The following ATF1 variants were observed in gnomAD, a reference collection of about 807,000 sequenced individuals.
ATF1 encodes the protein activating transcription factor 1.
In ATF1, 16 loss-of-function variants were observed where a neutral mutation model predicts 34.7. That is an observed-to-expected ratio of 0.46 (90% CI 0.31 to 0.70). The LOEUF is 0.70. Among genes scored for constraint, ATF1 ranks in the 30% least tolerant of loss-of-function variants. The pLI, the probability that ATF1 is intolerant of heterozygous loss-of-function variation, is 0.05. For missense variants in ATF1, 255 were observed against 321.6 expected, an observed-to-expected ratio of 0.79 and a Z score of 1.58; for synonymous variants, 105 against 113.1, an observed-to-expected ratio of 0.93 and a Z score of 0.46.
At chr12:50,768,057 G>A (rs1940682430) in intron 1 of ATF1, among the ~76,000 whole-genome samples, 1 of 152,078 alleles carries the variant, frequency 6.6e-6, no homozygotes, top group Non-Finnish European at 1.5e-5. Flanking sequence ...ATTTTTAGTA[G>A]AGATGGGGTT....
rs1312504255 is a variant in ATF1, at chr12:50,795,925, A to G, written c.110A>G (p.Glu37Gly). 6.2e-7 allele frequency: 1 copy of G among 1,612,746 alleles called. No individual in the cohort carries two copies. The highest frequency in any genetic ancestry group is 8.5e-7 in the Non-Finnish European group (1 of 1,179,516). ...CTTTTTTAGGTATCATCTTTATCAGAAAGTGAGGAGTCCCAGGACTCATCC... is the reference window on the plus strand; with the variant it reads ...CTTTTTTAGGTATCATCTTTATCAGGAAGTGAGGAGTCCCAGGACTCATCC... Reference protein sequence around the residue: ...HIAQQVSSLSESEESQDSSDS... With the variant: ...HIAQQVSSLSGSEESQDSSDS... The change falls in exon 3 of 7, where the codon GAA (glutamate) becomes GGA (glycine). Residue 37 changes from glutamate (E) to glycine (G), a missense_variant. Around this residue, in one of 2 missense-constraint regions of ATF1, gnomAD observed 221 missense variants for 250.7 expected, o/e 0.88. Transcript: ENST00000262053.
intron 1 of ATF1, chr12:50,775,714 C>T (rs191570859): frequency 8.5e-5 from 13 of 152,266 alleles, no homozygotes; most frequent in African/African-American, 3.1e-4. Flanking sequence ...ATTATAAAAA[C>T]TCTTTTATAG....
Position 50,819,805 on chromosome 12 carries a change from G to T in ATF1, c.*26G>T. On this transcript the variant is annotated 3_prime_UTR_variant, in exon 7 of 7. Coordinates refer to ENST00000262053, the MANE Select transcript of ATF1 (RefSeq NM_005171.5). ...TTCCTAAGAAAGAAAATATTTTTGTGGACATGCATAAAAATTAAATGGATT... is the reference window on the plus strand; with the variant it reads ...TTCCTAAGAAAGAAAATATTTTTGTTGACATGCATAAAAATTAAATGGATT... 1 of 1,475,262 alleles carries T rather than the reference G, an allele frequency of 6.8e-7. No homozygotes were observed. Among genetic ancestry groups the T allele is most frequent in the Non-Finnish European group, 9.2e-7 (1 of 1,085,270 alleles). 91.4% of individuals were successfully genotyped at this position (1,475,262 alleles called of 1,614,324 possible).
At chr12:50,813,916 G>A in intron 4 of ATF1, 94 bp from the exon 5 acceptor site, 1 of 1,258,842 alleles carries the variant, frequency 7.9e-7, no homozygotes, top group Non-Finnish European at 1.1e-6. Flanking sequence ...ATTCATACCT[G>A]TTTTAGTAAA....
chr12:50,795,164 G>A (rs927460028), intron 2 of ATF1, among the ~76,000 whole-genome samples: 3 of 152,180 alleles, frequency 2.0e-5, no homozygotes, highest in African/African-American at 7.2e-5. Context: ...CGAATGGTCT[G>A]TTCTCAGTCT....
At chr12:50,806,747 A>G (rs1941624036) in intron 3 of ATF1, among the ~76,000 whole-genome samples, 1 of 151,778 alleles carries the variant, frequency 6.6e-6, no homozygotes, top group Non-Finnish European at 1.5e-5. Context: ...CTGGAGCTCT[A>G]CTCTAGACCT....
Position 50,819,821 on chromosome 12 carries a change from T to G in ATF1, c.*42T>G, listed in dbSNP as rs181447737. 5,293 of 1,433,418 alleles carry G rather than the reference T, an allele frequency of 3.7e-3. 11 individuals are homozygous for G. Among genetic ancestry groups the G allele is most frequent in the Non-Finnish European group, 4.7e-3 (4,903 of 1,049,148 alleles). The allele number at this position is 1,433,418 out of a possible 1,614,324, so 88.8% of individuals were successfully genotyped here. A position where few individuals can be genotyped will look rare whatever the true frequency, so the allele number is the denominator to read the frequency against. ...TATTTTTGTGGACATGCATAAAAAT[T>G]AAATGGATTTCCTAGTGGAGTTTTA... On this transcript the variant is annotated 3_prime_UTR_variant, in exon 7 of 7. Transcript: ENST00000262053.
At chr12:50,779,255 C>T (rs904479880) in intron 1 of ATF1, among the ~76,000 whole-genome samples, 11 of 152,144 alleles carry the variant, frequency 7.2e-5, no homozygotes, top group African/African-American at 2.7e-4. Flanking sequence ...TCCTTGAGAC[C>T]GTGCTTTCAA....
At chr12:50,765,335 T>C (rs1355639089) in intron 1 of ATF1, among the ~76,000 whole-genome samples, 1 of 152,200 alleles carries the variant, frequency 6.6e-6, no homozygotes, top group Admixed American at 6.5e-5. Context: ...CGTGTCTTAA[T>C]TAGAATCAAT....
intron 2 of ATF1, among the ~76,000 whole-genome samples, chr12:50,790,136 G>A (rs1565907976): frequency 6.7e-6 from 1 of 149,826 alleles, no homozygotes; most frequent in Non-Finnish European, 1.5e-5. Context: ...GAGACGTTTT[G>A]TTAATGTTTT....
chr12:50,781,934 A>G (rs946232879), intron 2 of ATF1, among the ~76,000 whole-genome samples: 2 of 135,500 alleles, frequency 1.5e-5, no homozygotes, highest in Non-Finnish European at 1.6e-5. Flanking sequence ...AAAAAAAAAA[A>G]TCATGCATGA....
At chr12:50,790,197 AT>A (rs71086483) in intron 2 of ATF1, among the ~76,000 whole-genome samples, 104 of 119,384 alleles carry the variant, frequency 8.7e-4, no homozygotes, top group East Asian at 2.4e-3. Context: ...TGTGGGTTCT[AT>A]TTTTTTTTTT....
chr12:50,793,670 A>G (rs1436154514), intron 2 of ATF1, among the ~76,000 whole-genome samples: 2 of 142,758 alleles, frequency 1.4e-5, no homozygotes, highest in African/African-American at 2.6e-5. Context: ...GCTTGAGGAA[A>G]AGAAAAGTGA....
chr12:50,785,193 G>T (rs1308137889), intron 2 of ATF1, among the ~76,000 whole-genome samples: 1 of 150,510 alleles, frequency 6.6e-6, no homozygotes, highest in African/African-American at 2.5e-5. Context: ...AGGCTCAGGT[G>T]GGAGGACTCC....
chr12:50,809,313 G>A, intron 3 of ATF1, 143 bp from the exon 4 acceptor site: 1 of 661,942 alleles, frequency 1.5e-6, no homozygotes, highest in Non-Finnish European at 2.4e-6. Context: ...AGCAGAGGTT[G>A]CAGTGAGCCA....
rs774198657 is a variant in ATF1 at position 50,780,208 on chromosome 12, G to GGGAGCTCAC, written c.64_72dup (p.Gly22_His24dup). The GGGAGCTCAC allele has an allele frequency of 4.3e-6, 7 of 1,613,758 alleles. No homozygotes were observed. The highest frequency in any genetic ancestry group is 5.9e-6 in the Non-Finnish European group (7 of 1,179,724). On this transcript the variant is annotated inframe_insertion, in exon 2 of 7. Transcript: ENST00000262053. ...CACCTCAACCTGGTTCAGCAGTTCA[G>GGGAGCTCAC]GGAGCTCACATTTCTCATATTGCTC...
chr12:50,819,878 T>C lies in ATF1; in HGVS notation c.*99T>C, dbSNP rs560961637. 1.4e-5 allele frequency: 15 copies of C among 1,046,666 alleles called. No homozygotes were observed. The highest frequency in any genetic ancestry group is 5.5e-4 in the Middle Eastern group (2 of 3,642). 64.8% of individuals were successfully genotyped at this position (1,046,666 alleles called of 1,614,324 possible). On this transcript the variant is annotated 3_prime_UTR_variant, in exon 7 of 7. Transcript: ENST00000262053. The stretch of plus-strand genomic sequence containing the variant: ...AAAAGGTCAAAACTGAAGCTTTTTA[T>C]TTAGGCTTTTCCAAATCAAGGATAA...
At chr12:50,777,757 G>A (rs1239121454) in intron 1 of ATF1, among the ~76,000 whole-genome samples, 2 of 148,444 alleles carry the variant, frequency 1.3e-5, no homozygotes, top group African/African-American at 5.0e-5. Context: ...CTCCAGCCTG[G>A]GCAACAGTGT....
intron 6 of ATF1, among the ~76,000 whole-genome samples, chr12:50,817,301 A>AT (rs1312879833): frequency 6.6e-6 from 1 of 152,228 alleles, no homozygotes; most frequent in East Asian, 1.9e-4. Flanking sequence ...GAATAGGTAC[A>AT]TAAATTGTGA....
Sources: gnomAD v4.1 joint callset for allele counts (sites outside exome capture counted in the v4.1 genomes callset) on GRCh38, gnomAD v4.1.1 for gene constraint, gnomAD v4.1.1 regional missense constraint, MANE v1.5 for transcripts, NCBI Gene and HGNC (gene_info 2026-07-23, HGNC 2026-07-21) for gene names.